Variants in CDH12 observed in about 807,000 individuals in gnomAD.
CDH12 encodes cadherin 12.
CDH12 carries 41 observed loss-of-function variants against 74.1 expected under a neutral mutation model. That is an observed-to-expected ratio of 0.55 (90% confidence interval 0.43 to 0.72). CDH12 has a LOEUF of 0.72. Among genes scored for constraint, CDH12 ranks in the 30% least tolerant of loss-of-function variants. The pLI is 0.00. For missense variants in CDH12, 945 were observed against 977.2 expected, an observed-to-expected ratio of 0.97 and a Z score of 0.44; for synonymous variants, 399 against 355.0, an observed-to-expected ratio of 1.12 and a Z score of -1.39.
chr5:22,213,761 AAAGT>A (rs1445180250), intron 3 of CDH12: 2 of 152,152 alleles, frequency 1.3e-5, no homozygotes, highest in African/African-American at 4.8e-5. Flanking sequence ...ACAGATGAAA[AAAGT>A]AATTTGCATG....
intron 3 of CDH12, among the ~76,000 whole-genome samples, chr5:22,346,842 T>C (rs930628767): frequency 2.6e-5 from 4 of 152,140 alleles, no homozygotes; most frequent in African/African-American, 9.7e-5. Context: ...TTAATGATGC[T>C]TTGAAATGTT....
intron 1 of CDH12, among the ~76,000 whole-genome samples, chr5:22,833,464 C>T (rs1247854152): frequency 6.6e-6 from 1 of 152,164 alleles, no homozygotes; most frequent in Non-Finnish European, 1.5e-5. Flanking sequence ...TTAAAAAAGA[C>T]ACACCTTTTC....
intron 7 of CDH12, among the ~76,000 whole-genome samples, chr5:21,843,075 T>C (rs1749960014): frequency 6.6e-6 from 1 of 152,178 alleles, no homozygotes; most frequent in African/African-American, 2.4e-5. Flanking sequence ...GTAAAAATAG[T>C]TTATATTCCT....
intron 1 of CDH12, among the ~76,000 whole-genome samples, chr5:22,824,978 C>T (rs1736207322): frequency 6.6e-6 from 1 of 151,692 alleles, no homozygotes; most frequent in Admixed American, 6.6e-5. Flanking sequence ...TTTGTTGTGA[C>T]ATTAATAAAT....
At chr5:22,104,186 C>T (rs183218678) in intron 4 of CDH12, among the ~76,000 whole-genome samples, 3 of 152,078 alleles carry the variant, frequency 2.0e-5, no homozygotes, top group African/African-American at 7.2e-5. Context: ...ATTGAGTATA[C>T]CATACAAAAT....
chr5:22,436,081 T>C (rs1744374265), intron 2 of CDH12, among the ~76,000 whole-genome samples: 1 of 151,414 alleles, frequency 6.6e-6, no homozygotes, highest in Non-Finnish European at 1.5e-5. Flanking sequence ...TGGAATACTA[T>C]GCATCCATAA....
chr5:21,788,619 G>C (rs1746325533), intron 10 of CDH12, among the ~76,000 whole-genome samples: 1 of 152,056 alleles, frequency 6.6e-6, no homozygotes, highest in Non-Finnish European at 1.5e-5. Context: ...AAATATTTCA[G>C]ATGTATAATA....
chr5:22,059,904 T>C (rs1741066495), intron 5 of CDH12, among the ~76,000 whole-genome samples: 1 of 152,150 alleles, frequency 6.6e-6, no homozygotes, highest in African/African-American at 2.4e-5. Context: ...AAACAATTAT[T>C]ATTATCCAGT....
intron 1 of CDH12, among the ~76,000 whole-genome samples, chr5:22,621,530 T>C (rs768965098): frequency 2.0e-5 from 3 of 152,052 alleles, no homozygotes; most frequent in Admixed American, 2.0e-4. Flanking sequence ...GATGAATTAC[T>C]AGTAAAAAAT....
intron 4 of CDH12, among the ~76,000 whole-genome samples, chr5:22,109,532 T>A (rs1198977590): frequency 6.6e-6 from 1 of 152,168 alleles, no homozygotes; most frequent in African/African-American, 2.4e-5. Context: ...CTCTGACCTG[T>A]CAGTTTCATG....
At chr5:22,488,184 AAAC>A (rs1480206109) in intron 2 of CDH12, among the ~76,000 whole-genome samples, 1 of 152,254 alleles carries the variant, frequency 6.6e-6, no homozygotes, top group Non-Finnish European at 1.5e-5. Context: ...GTAAGTCTTC[AAAC>A]AAAATCTGCC....
intron 1 of CDH12, among the ~76,000 whole-genome samples, chr5:22,530,836 A>G (rs1280264512): frequency 6.6e-6 from 1 of 152,060 alleles, no homozygotes; most frequent in Non-Finnish European, 1.5e-5. Context: ...ATATTTCCTC[A>G]TTGCTGAACA....
At chr5:22,676,577 A>G (rs1741201825) in intron 1 of CDH12, among the ~76,000 whole-genome samples, 1 of 152,200 alleles carries the variant, frequency 6.6e-6, no homozygotes, top group African/African-American at 2.4e-5. Context: ...TTTAACATCA[A>G]CATTTCAACA....
chr5:22,469,219 A>G (rs1396372110), intron 2 of CDH12, among the ~76,000 whole-genome samples: 1 of 152,196 alleles, frequency 6.6e-6, no homozygotes, highest in Non-Finnish European at 1.5e-5. Flanking sequence ...TTCAACTAAA[A>G]TTTGAATGGT....
chr5:22,148,819 T>A (rs1747379288), intron 4 of CDH12, among the ~76,000 whole-genome samples: 1 of 152,166 alleles, frequency 6.6e-6, no homozygotes, highest in South Asian at 2.1e-4. Flanking sequence ...CTCCTTTCTC[T>A]TTTAAAGATA....
chr5:22,690,232 C>A (rs908625987), intron 1 of CDH12, among the ~76,000 whole-genome samples: 23 of 152,008 alleles, frequency 1.5e-4, no homozygotes, highest in African/African-American at 5.6e-4. Flanking sequence ...TTTTGCTTTC[C>A]TTGGTTTTAG....
intron 4 of CDH12, among the ~76,000 whole-genome samples, chr5:22,107,053 T>C: frequency 6.6e-6 from 1 of 152,102 alleles, no homozygotes; most frequent in East Asian, 1.9e-4. Context: ...ACTGGGGTCC[T>C]AGACTGTGGC....
At chr5:22,593,036 G>GA (rs11420428) in intron 1 of CDH12, among the ~76,000 whole-genome samples, 57,499 of 110,458 alleles carry the variant, frequency 0.52, 12,503 homozygotes, top group Admixed American at 0.6. Flanking sequence ...TCTCAAAAAA[G>GA]AAAAAAAAAA....
intron 3 of CDH12, among the ~76,000 whole-genome samples, chr5:22,350,763 G>T (rs1004748581): frequency 6.6e-6 from 1 of 152,170 alleles, no homozygotes; most frequent in Non-Finnish European, 1.5e-5. Flanking sequence ...TAGGTATATG[G>T]TCAGCATCCT....
Sources: allele counts gnomAD v4.1 joint callset (sites outside exome capture counted in the v4.1 genomes callset), GRCh38; gene constraint gnomAD v4.1.1; transcripts MANE v1.5; gene names NCBI Gene and HGNC (gene_info 2026-07-23, HGNC 2026-07-21).